ZNFX1: variants seen among roughly 807,000 people sequenced by gnomAD.
The protein encoded by ZNFX1 is NFX1-type zinc finger-containing protein 1.
Under a neutral mutation model 179.8 loss-of-function variants are expected in ZNFX1, and 78 were observed. The observed-to-expected ratio is 0.43, with a 90% CI of 0.36 to 0.52. ZNFX1 has a LOEUF of 0.52. Ranked by LOEUF, ZNFX1 falls within the 20% of genes least tolerant of loss-of-function variation. The pLI, the probability that ZNFX1 is intolerant of heterozygous loss-of-function variation, is 0.00. For synonymous variants in ZNFX1, 848 were observed against 868.5 expected (o/e 0.98, Z 0.42); for missense variants, 1,927 against 2,386.6 (o/e 0.81, Z 4.01).
chr20:49,253,970 G>A (rs1980905849), intron 10 of ZNFX1, among the ~76,000 whole-genome samples, 159 bp from the exon 11 acceptor site: 2 of 152,104 alleles, frequency 1.3e-5, no homozygotes, highest in South Asian at 4.1e-4. Context: ...CATTAAAACT[G>A]TGTTGGTCAC....
chr20:49,275,924 G>T, intron 1 of ZNFX1, 37 bp from the exon 2 acceptor site: 1 of 1,421,026 alleles, frequency 7.0e-7, no homozygotes, highest in Non-Finnish European at 9.9e-7. Context: ...TCGAAACATA[G>T]CATCTAGCAG....
At chr20:49,258,482 C>T (rs1167154759) in intron 7 of ZNFX1, among the ~76,000 whole-genome samples, 2 of 152,012 alleles carry the variant, frequency 1.3e-5, no homozygotes, top group South Asian at 2.1e-4. Context: ...TTACGTTTTA[C>T]GTTAAAAAAT....
At chr20:49,250,939 G>A (rs1980821084) in intron 13 of ZNFX1, among the ~76,000 whole-genome samples, 1 of 152,258 alleles carries the variant, frequency 6.6e-6, no homozygotes, top group Non-Finnish European at 1.5e-5. Flanking sequence ...TTGATCCCTT[G>A]ACCTTGTGAT....
chr20:49,268,496 G>A (rs973352950), intron 3 of ZNFX1, among the ~76,000 whole-genome samples: 1 of 151,928 alleles, frequency 6.6e-6, no homozygotes, highest in East Asian at 1.9e-4. Flanking sequence ...ACATTCTATT[G>A]CAACAAAACC....
chr20:49,264,937 T>C, intron 4 of ZNFX1, 73 bp from the exon 5 acceptor site: 2 of 1,602,258 alleles, frequency 1.2e-6, no homozygotes. Context: ...GAGCTGTGTG[T>C]ATTTGGGATC....
At chr20:49,256,276 A>T (rs1263533214) in intron 8 of ZNFX1, among the ~76,000 whole-genome samples, 1 of 152,206 alleles carries the variant, frequency 6.6e-6, no homozygotes, top group Non-Finnish European at 1.5e-5. Flanking sequence ...GCTTGTCAGG[A>T]GTAAATACGT....
intron 13 of ZNFX1, among the ~76,000 whole-genome samples, chr20:49,250,725 T>C (rs1000603257): frequency 1.3e-5 from 2 of 152,160 alleles, no homozygotes; most frequent in Admixed American, 1.3e-4. Context: ...TTAATTTTTG[T>C]ATTTTTAGTA....
chr20:49,263,412 A>G lies in ZNFX1; in HGVS notation c.2223T>C (p.Arg741=). 1 of 1,613,408 alleles carries G rather than the reference A, an allele frequency of 6.2e-7. No homozygotes were observed. Among genetic ancestry groups the G allele is most frequent in the South Asian group, 1.1e-5 (1 of 90,866 alleles). ...EGAKTLECTM[R]GVLREQYLQK... is the part of the protein sequence containing the mutation. ...GCAGGTACTGTTCCCGTAGGACACC[A>G]CGCATGGTGCACTCCAGGGTCTTGG... The change falls in exon 6 of 14, where the codon CGT becomes CGC. Residue 741 remains arginine, a synonymous_variant. Transcript: ENST00000396105.
chr20:49,253,595 G>A, intron 11 of ZNFX1, 71 bp downstream of exon 11: 1 of 1,586,802 alleles, frequency 6.3e-7, no homozygotes, highest in Non-Finnish European at 8.6e-7. Flanking sequence ...TGAAGCAGAG[G>A]CCAGGGTCTT....
chr20:49,259,283 A>C (rs991983783), intron 7 of ZNFX1, among the ~76,000 whole-genome samples: 54 of 152,284 alleles, frequency 3.5e-4, no homozygotes, highest in African/African-American at 1.2e-3. Flanking sequence ...CAATTTAAGT[A>C]GAAAACTGAC....
chr20:49,269,358 T>C (rs1211120357), intron 3 of ZNFX1, among the ~76,000 whole-genome samples: 1 of 152,044 alleles, frequency 6.6e-6, no homozygotes, highest in Non-Finnish European at 1.5e-5. Flanking sequence ...TACTTCAGGA[T>C]AGAGTGGGAG....
At chr20:49,269,406 G>C (rs1255235030) in intron 3 of ZNFX1, among the ~76,000 whole-genome samples, 1 of 152,200 alleles carries the variant, frequency 6.6e-6, no homozygotes, top group Non-Finnish European at 1.5e-5. Context: ...CAAGGGCTGA[G>C]TGCAGCGGCT....
At chr20:49,277,479 G>T (rs1034023146) in intron 1 of ZNFX1, among the ~76,000 whole-genome samples, 1 of 150,710 alleles carries the variant, frequency 6.6e-6, no homozygotes, top group Non-Finnish European at 1.5e-5. Flanking sequence ...GATTGATAAG[G>T]TGACAGGAGG....
intron 11 of ZNFX1, 60 bp downstream of exon 11, chr20:49,253,606 C>T (rs1349942495): frequency 1.2e-6 from 2 of 1,604,060 alleles, no homozygotes; most frequent in African/African-American, 1.3e-5. Context: ...CCAGGGTCTT[C>T]CTTTATGATC....
intron 3 of ZNFX1, among the ~76,000 whole-genome samples, chr20:49,266,602 T>TG (rs1454278091): frequency 1.2e-4 from 2 of 17,006 alleles, no homozygotes; most frequent in Admixed American, 4.8e-4. Flanking sequence ...TACATCTTGA[T>TG]TTTTTTCACT....
intron 7 of ZNFX1, among the ~76,000 whole-genome samples, chr20:49,259,423 C>T (rs1981061226): frequency 6.6e-6 from 1 of 150,786 alleles, no homozygotes; most frequent in Non-Finnish European, 1.5e-5. Flanking sequence ...TATATGTTTC[C>T]ATAACTTGCC....
chr20:49,264,540 T>C (rs1238301076), intron 5 of ZNFX1, among the ~76,000 whole-genome samples, 176 bp downstream of exon 5: 1 of 152,092 alleles, frequency 6.6e-6, no homozygotes, highest in Non-Finnish European at 1.5e-5. Flanking sequence ...CATCTTGGAT[T>C]GTGAAGGCAA....
chr20:49,264,420 AAGATGACATTTCC>A (rs1288224731), intron 5 of ZNFX1, among the ~76,000 whole-genome samples: 2 of 152,194 alleles, frequency 1.3e-5, no homozygotes, highest in African/African-American at 4.8e-5. Context: ...GCCCAGCTAA[AAGATGACATTTCC>A]CTGGTCAGTT....
chr20:49,246,756 T>C lies in ZNFX1; in HGVS notation c.*511A>G. ...GAGAGAAGGGGTGAGATTTGTTAAC[T>C]TTGCTCTCAGTTCTGGAGATAAAGT... On this transcript the variant is annotated 3_prime_UTR_variant, in exon 14 of 14. Transcript: ENST00000396105. The C allele has an allele frequency of 2.3e-6, 1 of 426,082 alleles. No homozygotes were observed. Among genetic ancestry groups the C allele is most frequent in the Non-Finnish European group, 4.7e-6 (1 of 214,534 alleles). The allele number at this position is 426,082 out of a possible 1,614,324, so 26.4% of individuals were successfully genotyped here. A position where few individuals can be genotyped will look rare whatever the true frequency, so the allele number is the denominator to read the frequency against.
Sources: gnomAD v4.1 joint callset for allele counts (sites outside exome capture counted in the v4.1 genomes callset) on GRCh38, gnomAD v4.1.1 for gene constraint, MANE v1.5 for transcripts, NCBI Gene and HGNC (gene_info 2026-07-23, HGNC 2026-07-21) for gene names.